The following CPED1 variants were observed in gnomAD, a reference collection of about 807,000 sequenced individuals.
The protein encoded by CPED1 is cadherin like and PC-esterase domain containing 1.
Under a neutral mutation model 128.2 loss-of-function variants are expected in CPED1, and 114 were observed. The observed-to-expected ratio is 0.89, with a 90% CI of 0.76 to 1.04. CPED1 has a LOEUF of 1.04. Among genes scored for constraint, CPED1 ranks in the 50% least tolerant of loss-of-function variants. The pLI is 0.00. For synonymous variants in CPED1, 462 were observed against 426.7 expected (o/e 1.08, Z -1.02); for missense variants, 1,211 against 1,207.1 (o/e 1.00, Z -0.05).
At chr7:121,037,496 A>G (rs1209478104) in intron 3 of CPED1, among the ~76,000 whole-genome samples, 1 of 152,108 alleles carries the variant, frequency 6.6e-6, no homozygotes, top group Non-Finnish European at 1.5e-5. Flanking sequence ...GGATTGGTCT[A>G]TGTGCCTATT....
intron 11 of CPED1, among the ~76,000 whole-genome samples, chr7:121,129,324 TATATATATATACGTATATATATATATAC>T (rs1488030731): frequency 1.5e-5 from 2 of 133,638 alleles, no homozygotes; most frequent in African/African-American, 2.7e-5. Flanking sequence ...TATATATATA[TATATATATATACGTATATATATATATAC>T]ATACATACAC....
rs1277091660 is a variant in CPED1 at position 121,211,761 on chromosome 7, T to G, written c.2056-24953T>G. The stretch of plus-strand genomic sequence containing the variant: ...AGTGAAAACTGTGGAGACTTAGAAA[T>G]ATGTGATCTATAAGAACAGACTTGC... On this transcript the variant is annotated intron_variant, in intron 16 of 22. Transcript: ENST00000310396. Among the ~76,000 whole-genome samples the G allele has an allele frequency of 6.5e-4, 99 of 152,060 alleles. 1 individual carries two copies. Among genetic ancestry groups the G allele is most frequent in the African/African-American group, 2.4e-3 (98 of 41,526 alleles).
chr7:121,137,257 G>A (rs995709722), intron 14 of CPED1, among the ~76,000 whole-genome samples: 4 of 151,770 alleles, frequency 2.6e-5, no homozygotes, highest in Admixed American at 1.3e-4. Context: ...CTGCAACCTC[G>A]ACTTCCTGGG....
At position 121,266,224 on chromosome 7, in the gene CPED1, T is replaced by C. The variant is rs1363371295; in HGVS notation, c.2311-3T>C. ...AAACAAATGCTTTCTCTTTAACTTA[T>C]AGATTCTGTTCATTGGAGATTCAAC... is the stretch of plus-strand genomic sequence containing the variant. On this transcript the variant is annotated splice_polypyrimidine_tract_variant and splice_region_variant and intron_variant, in intron 18 of 22. Coordinates refer to ENST00000310396, the MANE Select transcript of CPED1 (RefSeq NM_024913.5). 5.0e-6 allele frequency: 8 copies of C among 1,602,722 alleles called. No individual in the cohort carries two copies. Among genetic ancestry groups the C allele is most frequent in the African/African-American group, 2.7e-5 (2 of 74,668 alleles).
chr7:120,989,450 G>T lies in CPED1; in HGVS notation c.-172G>T, dbSNP rs1456551613. ...TCTTATTAAAAGCCTCAGACTTTCG[G>T]GACCTATGATTCTTTGGCACAACCT... On this transcript the variant is annotated 5_prime_UTR_variant, in exon 2 of 23. Transcript: ENST00000310396. 3 of 726,328 alleles carry T rather than the reference G, an allele frequency of 4.1e-6. No homozygotes were observed. Among genetic ancestry groups the T allele is most frequent in the Non-Finnish European group, 6.7e-6 (3 of 449,254 alleles). 45.0% of individuals were successfully genotyped at this position (726,328 alleles called of 1,614,324 possible). A position where few individuals can be genotyped will look rare whatever the true frequency, so the allele number is the denominator to read the frequency against.
intron 18 of CPED1, among the ~76,000 whole-genome samples, chr7:121,263,776 G>A (rs1366143026): frequency 4.0e-5 from 6 of 151,884 alleles, no homozygotes; most frequent in Admixed American, 2.0e-4. Flanking sequence ...TAGGGAGCTC[G>A]CTGGCTGCCT....
chr7:121,061,142 C>T (rs1793659775), intron 4 of CPED1: 4 of 402,770 alleles, frequency 9.9e-6, no homozygotes, highest in African/African-American at 4.4e-5. Context: ...TGAGGGTCCG[C>T]GGCTTCATTC....
At chr7:121,087,682 G>GTTTTTTA (rs1794466437) in intron 5 of CPED1, among the ~76,000 whole-genome samples, 266 of 111,398 alleles carry the variant, frequency 2.4e-3, no homozygotes, top group Non-Finnish European at 3.3e-3. Context: ...TTTTTTTTTG[G>GTTTTTTA]CAGAGTCTTT....
intron 16 of CPED1, among the ~76,000 whole-genome samples, chr7:121,213,289 G>T (rs558796366): frequency 6.6e-6 from 1 of 152,106 alleles, no homozygotes; most frequent in East Asian, 1.9e-4. Context: ...TCCAAGAAAA[G>T]CTTCCTCCAA....
At chr7:121,066,632 C>G (rs1661530722) in intron 5 of CPED1, among the ~76,000 whole-genome samples, 1 of 152,036 alleles carries the variant, frequency 6.6e-6, no homozygotes. Flanking sequence ...CACAAGCTTA[C>G]AGGTCAACCT....
Position 120,989,742 on chromosome 7 carries a change from C to T in CPED1, c.121C>T (p.Leu41Phe). Residue 41 changes from leucine to phenylalanine, a missense_variant, in exon 2 of 23, where the codon CTC (leucine) becomes TTC (phenylalanine). Physicochemically the swap from Leu to Phe is conservative, Grantham distance 22. Coordinates refer to ENST00000310396, the MANE Select transcript of CPED1 (RefSeq NM_024913.5). ...QTLTLRGSRK[L>F]TAAAPGAVPH... ...TCTGACCCTCCGAGGGTCGAGGAAG[C>T]TCACAGCCGCTGCCCCTGGGGCTGT... 1.2e-6 allele frequency: 2 copies of T among 1,613,912 alleles called. No individual in the cohort carries two copies. Among genetic ancestry groups the T allele is most frequent in the Non-Finnish European group, 1.7e-6 (2 of 1,180,006 alleles).
chr7:121,242,259 T>C (rs575466342), intron 17 of CPED1, among the ~76,000 whole-genome samples: 2 of 152,348 alleles, frequency 1.3e-5, no homozygotes, highest in East Asian at 3.9e-4. Context: ...GTTAAGAGCA[T>C]GGACTCTGGA....
intron 16 of CPED1, among the ~76,000 whole-genome samples, chr7:121,186,302 A>G (rs1355311338): frequency 6.6e-6 from 1 of 152,184 alleles, no homozygotes; most frequent in African/African-American, 2.4e-5. Context: ...ATGCATGGGA[A>G]TTTATAGAAA....
intron 16 of CPED1, among the ~76,000 whole-genome samples, chr7:121,194,051 T>TTA (rs1797214653): frequency 1.7e-5 from 2 of 116,748 alleles, no homozygotes; most frequent in Non-Finnish European, 3.8e-5. Context: ...TATATATATT[T>TTA]TTTTTTTTTT....
At chr7:121,226,147 T>C (rs1798005014) in intron 16 of CPED1, among the ~76,000 whole-genome samples, 1 of 152,114 alleles carries the variant, frequency 6.6e-6, no homozygotes, top group Non-Finnish European at 1.5e-5. Context: ...ATGTTGGTAA[T>C]CTACAGATGG....
chr7:121,111,363 C>T (rs1322684633), intron 7 of CPED1, among the ~76,000 whole-genome samples: 1 of 152,182 alleles, frequency 6.6e-6, no homozygotes, highest in East Asian at 1.9e-4. Context: ...ATAACTGTAG[C>T]TATTTGCCCA....
chr7:121,195,376 C>A (rs6950532), intron 16 of CPED1, among the ~76,000 whole-genome samples: 149,803 of 152,268 alleles, frequency 0.98, 73,733 homozygotes, highest in Middle Eastern at 1. Flanking sequence ...ATATGAAAAC[C>A]CATATTGAAA....
intron 18 of CPED1, among the ~76,000 whole-genome samples, chr7:121,246,700 C>T (rs1798543411): frequency 6.6e-6 from 1 of 152,068 alleles, no homozygotes; most frequent in Admixed American, 6.6e-5. Context: ...TTTCAGCCCA[C>T]AACATTATCT....
At chr7:121,077,557 G>A (rs909202805) in intron 5 of CPED1, among the ~76,000 whole-genome samples, 1 of 151,476 alleles carries the variant, frequency 6.6e-6, no homozygotes, top group Non-Finnish European at 1.5e-5. Context: ...GGAAACTGAA[G>A]ACATAAATAA....
Sources: allele counts gnomAD v4.1 joint callset (sites outside exome capture counted in the v4.1 genomes callset), GRCh38; gene constraint gnomAD v4.1.1; transcripts MANE v1.5; gene names NCBI Gene and HGNC (gene_info 2026-07-23, HGNC 2026-07-21).